The following AATF variants were observed in gnomAD, a reference collection of about 807,000 sequenced individuals.
The protein encoded by AATF is protein AATF.
A neutral mutation model predicts 63.7 loss-of-function variants in AATF; 48 were observed. The ratio of observed to expected loss-of-function variants is 0.75; its 90% CI spans 0.60 to 0.96. The LOEUF is 0.96. Among genes scored for constraint, AATF ranks in the 40% least tolerant of loss-of-function variants. The pLI is 0.00. For missense variants in AATF, 639 were observed against 685.7 expected, an observed-to-expected ratio of 0.93 and a Z score of 0.76; for synonymous variants, 258 against 247.7, an observed-to-expected ratio of 1.04 and a Z score of -0.39.
At chr17:36,973,806 T>A (rs1057170535) in intron 4 of AATF, among the ~76,000 whole-genome samples, 1 of 152,172 alleles carries the variant, frequency 6.6e-6, no homozygotes, top group Non-Finnish European at 1.5e-5. Context: ...GACGGTGGCT[T>A]ACGCCTATAA....
At chr17:36,988,082 G>A (rs2142247471) in intron 5 of AATF, among the ~76,000 whole-genome samples, 1 of 152,328 alleles carries the variant, frequency 6.6e-6, no homozygotes, top group Non-Finnish European at 1.5e-5. Flanking sequence ...GGGAGGCCGA[G>A]GCAGGTGGAT....
At chr17:37,037,926 T>TGTGAG (rs1199993130) in intron 11 of AATF, among the ~76,000 whole-genome samples, 1 of 152,172 alleles carries the variant, frequency 6.6e-6, no homozygotes, top group African/African-American at 2.4e-5. Flanking sequence ...CTCTCTCTCT[T>TGTGAG]GCTCCTGCTG....
At chr17:37,018,777 C>G (rs1333698894) in intron 8 of AATF, among the ~76,000 whole-genome samples, 1 of 152,188 alleles carries the variant, frequency 6.6e-6, no homozygotes, top group Non-Finnish European at 1.5e-5. Flanking sequence ...TACAATAAGT[C>G]TTCCAAATGG....
At chr17:36,964,688 C>T (rs951171735) in intron 4 of AATF, among the ~76,000 whole-genome samples, 6 of 152,168 alleles carry the variant, frequency 3.9e-5, no homozygotes, top group African/African-American at 1.4e-4. Flanking sequence ...AGTTGCTCTC[C>T]ATTACCTGCT....
intron 10 of AATF, among the ~76,000 whole-genome samples, chr17:37,023,756 A>G (rs2071490815): frequency 6.6e-6 from 1 of 152,074 alleles, no homozygotes; most frequent in Non-Finnish European, 1.5e-5. Context: ...ATTAGGTGGT[A>G]GTTAAGACCC....
At chr17:36,970,401 A>G (rs964832492) in intron 4 of AATF, among the ~76,000 whole-genome samples, 2 of 152,142 alleles carry the variant, frequency 1.3e-5, no homozygotes, top group African/African-American at 4.8e-5. Context: ...GTTACTTTTT[A>G]AAAAAGTTAC....
At chr17:37,031,804 G>A (rs1306064704) in intron 11 of AATF, 119 bp downstream of exon 11, 16 of 831,536 alleles carry the variant, frequency 1.9e-5, no homozygotes, top group Non-Finnish European at 3.1e-5. Flanking sequence ...CATTGGCATC[G>A]CAGTAAGGGT....
At chr17:37,053,179 G>A (rs1293998347) in intron 11 of AATF, among the ~76,000 whole-genome samples, 1 of 151,998 alleles carries the variant, frequency 6.6e-6, no homozygotes, top group Non-Finnish European at 1.5e-5. Flanking sequence ...ATTCCTCCAT[G>A]GATCCATGAA....
At chr17:37,004,014 A>C (rs564594812) in intron 8 of AATF, among the ~76,000 whole-genome samples, 2 of 152,204 alleles carry the variant, frequency 1.3e-5, no homozygotes, top group Admixed American at 6.5e-5. Flanking sequence ...TCGAGGCAGG[A>C]GAATCGCTTG....
In AATF at chr17:37,019,000, C is replaced by T; in HGVS notation, c.1399-5C>T. The T allele has an allele frequency of 6.2e-7, 1 of 1,613,616 alleles. No homozygotes were observed. The highest frequency in any genetic ancestry group is 1.1e-5 in the South Asian group (1 of 91,046). On this transcript the variant is annotated splice_polypyrimidine_tract_variant and splice_region_variant and intron_variant, in intron 8 of 11. Coordinates refer to ENST00000619387, the MANE Select transcript of AATF (RefSeq NM_012138.4). ...ATAAATTCGTTGCTTTCCTTTTTCC[C>T]CTAGCTCCTTCGAGAACTCATAGAA...
intron 5 of AATF, among the ~76,000 whole-genome samples, chr17:36,988,273 G>A (rs144972663): frequency 6.6e-6 from 1 of 152,022 alleles, no homozygotes; most frequent in Non-Finnish European, 1.5e-5. Flanking sequence ...CCAAGATCGC[G>A]CCACTGCACT....
intron 11 of AATF, among the ~76,000 whole-genome samples, chr17:37,037,004 C>CTTTTTT: frequency 6.9e-6 from 1 of 144,326 alleles, no homozygotes; most frequent in African/African-American, 2.6e-5. Flanking sequence ...ACAGCATCAT[C>CTTTTTT]TTTTTGTTTT....
Position 36,989,406 on chromosome 17 carries a change from G to C in AATF, c.1309G>C (p.Glu437Gln). The C allele has an allele frequency of 6.2e-7, 1 of 1,611,050 alleles. No homozygotes were observed. The highest frequency in any genetic ancestry group is 8.5e-7 in the Non-Finnish European group (1 of 1,178,174). ...GCCTGTCCCAGAGAGTTTGCCAGGGGAACCGGTAAGAACTCTGTAATGCAG... is the reference window on the plus strand; with the variant it reads ...GCCTGTCCCAGAGAGTTTGCCAGGGCAACCGGTAAGAACTCTGTAATGCAG... ...AQPVPESLPGEPEILPQAPAN... is the reference protein window; with the variant it reads ...AQPVPESLPGQPEILPQAPAN... The change falls in exon 7 of 12, where the codon GAA becomes CAA. Residue 437 changes from glutamate to glutamine, a missense_variant. Physicochemically the swap from Glu to Gln is conservative, Grantham distance 29. Coordinates refer to ENST00000619387, the MANE Select transcript of AATF (RefSeq NM_012138.4).
chr17:37,034,401 C>G (rs1486245221), intron 11 of AATF, among the ~76,000 whole-genome samples: 1 of 151,982 alleles, frequency 6.6e-6, no homozygotes, highest in Non-Finnish European at 1.5e-5. Flanking sequence ...GTGGAAGTAA[C>G]CTAGTACCAT....
rs59080911 is a variant in AATF, at chr17:36,997,641, A to G, written c.1398+6784A>G. ...ACTGCTGATGGGAATGTTAACTAGT[A>G]CAGCCACTGTGGAAAACAGTGTGGA... is the stretch of plus-strand genomic sequence containing the variant. On this transcript the variant is annotated intron_variant, in intron 8 of 11. Transcript: ENST00000619387. Among the ~76,000 whole-genome samples the G allele has an allele frequency of 1.5e-3, 221 of 152,364 alleles. 1 individual carries two copies. The highest frequency in any genetic ancestry group is 5.2e-3 in the African/African-American group (215 of 41,584).
intron 4 of AATF, among the ~76,000 whole-genome samples, chr17:36,979,792 C>G (rs543068410): frequency 2.0e-5 from 3 of 152,248 alleles, no homozygotes; most frequent in Non-Finnish European, 4.4e-5. Flanking sequence ...GTGTCCATGC[C>G]CAAACTTATT....
At chr17:36,960,743 G>A (rs1228977634) in intron 4 of AATF, among the ~76,000 whole-genome samples, 1 of 152,148 alleles carries the variant, frequency 6.6e-6, no homozygotes, top group Middle Eastern at 3.2e-3. Flanking sequence ...TGGGATAAAG[G>A]CACTTGCAAC....
intron 8 of AATF, among the ~76,000 whole-genome samples, chr17:37,003,471 C>CTT (rs1163393533): frequency 0.012 from 1,176 of 96,516 alleles, 24 homozygotes; most frequent in African/African-American, 0.022. Flanking sequence ...TTGACAAGAA[C>CTT]TTTTTTTTTT....
intron 8 of AATF, among the ~76,000 whole-genome samples, chr17:37,011,826 G>C (rs2071393699): frequency 6.6e-6 from 1 of 152,130 alleles, no homozygotes; most frequent in South Asian, 2.1e-4. Context: ...CAGGTAGTTT[G>C]AATAGAATAA....
Sources: allele counts gnomAD v4.1 joint callset (sites outside exome capture counted in the v4.1 genomes callset), GRCh38; gene constraint gnomAD v4.1.1; transcripts MANE v1.5; gene names NCBI Gene and HGNC (gene_info 2026-07-23, HGNC 2026-07-21).